The following SHANK2 variants were observed in gnomAD, a reference collection of about 807,000 sequenced individuals.
SHANK2 encodes the protein SH3 and multiple ankyrin repeat domains 2, also known as SH3 and multiple ankyrin repeat domains protein 2.
SHANK2 carries 43 observed loss-of-function variants against 133.7 expected under a neutral mutation model. That is an observed-to-expected ratio of 0.32 (90% confidence interval 0.25 to 0.41). The LOEUF is 0.41. Among genes scored for constraint, SHANK2 ranks in the 10% least tolerant of loss-of-function variants. The probability of loss-of-function intolerance (pLI) is 1.00; values close to 1 mark genes in which losing one functional copy is unlikely to be tolerated. For missense variants in SHANK2, 1,994 were observed against 2,235.8 expected (o/e 0.89, Z 2.18); for synonymous variants, 1,017 against 952.8 (o/e 1.07, Z -1.24).
chr11:70,506,432 G>A (rs1050346794), intron 17 of SHANK2, among the ~76,000 whole-genome samples: 5 of 152,228 alleles, frequency 3.3e-5, no homozygotes, highest in Admixed American at 1.3e-4. Flanking sequence ...CTGCTCAGGA[G>A]AGCTCAGAGG....
At chr11:70,947,830 T>G (rs891861234) in intron 10 of SHANK2, among the ~76,000 whole-genome samples, 1 of 152,208 alleles carries the variant, frequency 6.6e-6, no homozygotes, top group Non-Finnish European at 1.5e-5. Flanking sequence ...GGATAGCATC[T>G]GGGTGGGTGA....
chr11:70,485,995 G>C lies in SHANK2; in HGVS notation c.4298C>G (p.Ala1433Gly). ...IPDDRAASVP[A>G]LSDLVKQKKS... The stretch of plus-strand genomic sequence containing the variant: ...CTTCTGCTTCACTAAGTCTGAGAGA[G>C]CCGGGACAGAAGCTGCCCGGTCATC... The change falls in exon 25 of 26, where the codon GCT becomes GGT. Residue 1433 changes from alanine (A) to glycine (G), a missense_variant. Transcript: ENST00000601538. This position sits in a 1 kb window ranked among gnomAD's most constrained non-coding sequence, Gnocchi z 5.8. 1.4e-5 allele frequency: 22 copies of C among 1,614,142 alleles called. No homozygotes were observed. Among genetic ancestry groups the C allele is most frequent in the Non-Finnish European group, 1.9e-5 (22 of 1,180,040 alleles).
chr11:70,733,269 T>C (rs1247290851), intron 14 of SHANK2, among the ~76,000 whole-genome samples: 1 of 152,044 alleles, frequency 6.6e-6, no homozygotes, highest in Non-Finnish European at 1.5e-5. Context: ...AGGAAGAACA[T>C]AAGCAAAGGC....
At chr11:71,171,886 G>A (rs546128747) in intron 2 of SHANK2, among the ~76,000 whole-genome samples, 12 of 152,306 alleles carry the variant, frequency 7.9e-5, no homozygotes, top group South Asian at 2.1e-4. Flanking sequence ...AGACAGTTGC[G>A]ATGGGGGTCA....
chr11:70,666,085 G>C (rs1157032583), intron 15 of SHANK2, among the ~76,000 whole-genome samples: 2 of 152,162 alleles, frequency 1.3e-5, no homozygotes, highest in Non-Finnish European at 2.9e-5. Context: ...TGTTGGGTGG[G>C]AGGTGGGCGA....
Position 71,082,951 on chromosome 11 carries a change from C to T in SHANK2, c.913-7676G>A, listed in dbSNP as rs896168403. ...ATTGTTTCTTAACGCCCGCCCCCCC[C>T]CCAACCCTTCTGAAACAGGTTCTCA... On this transcript the variant is annotated intron_variant, in intron 8 of 25. Coordinates refer to ENST00000601538, the MANE Select transcript of SHANK2 (RefSeq NM_012309.5). 3.2e-3 allele frequency among the ~76,000 whole-genome samples: 481 copies of T among 148,516 alleles called. 2 individuals are homozygous for T. The highest frequency in any genetic ancestry group is 0.011 in the African/African-American group (450 of 39,952).
At chr11:71,080,351 A>T (rs998578871) in intron 8 of SHANK2, among the ~76,000 whole-genome samples, 1 of 152,120 alleles carries the variant, frequency 6.6e-6, no homozygotes, top group Non-Finnish European at 1.5e-5. Flanking sequence ...CTGTGCAACC[A>T]CAAGACTTGG....
chr11:70,704,170 C>A lies in SHANK2; in HGVS notation c.1778-5407G>T, dbSNP rs868961508. On this transcript the variant is annotated intron_variant, in intron 14 of 25. Coordinates refer to ENST00000601538, the MANE Select transcript of SHANK2 (RefSeq NM_012309.5). ...AGACAGAGAGACCCAGAGAGACGGG[C>A]GACTGCCCTAGAGACACAGCTGGAA... Among the ~76,000 whole-genome samples the A allele has an allele frequency of 2.0e-5, 3 of 152,336 alleles. No homozygotes were observed. In the Middle Eastern group the frequency reaches 0.01, roughly 518 times the overall value.
chr11:71,243,465 C>A (rs1020430365), intron 1 of SHANK2, among the ~76,000 whole-genome samples: 1 of 152,070 alleles, frequency 6.6e-6, no homozygotes, highest in Non-Finnish European at 1.5e-5. Context: ...GAGGCTGAGG[C>A]GGGCGGATCA....
intron 14 of SHANK2, among the ~76,000 whole-genome samples, chr11:70,720,982 T>C (rs1336594811): frequency 6.6e-6 from 1 of 152,250 alleles, no homozygotes; most frequent in Non-Finnish European, 1.5e-5. Flanking sequence ...TCTTTCCCTC[T>C]GGAACCCAAA....
chr11:70,487,272 G>A lies in SHANK2; in HGVS notation c.3021C>T (p.Ala1007=), dbSNP rs782574923. Residue 1007 remains alanine, a synonymous_variant, in exon 25 of 26, where the codon GCC becomes GCT. Transcript: ENST00000601538. This position sits in a 1 kb window ranked among gnomAD's most constrained non-coding sequence, Gnocchi z 5.8. ...GCTTCACCAGCATCCCCTTCCGCCT[G>A]GCGGGCTTGGCGGGGACGTAGACGG... The part of the protein sequence containing the change: ...SKAVYVPAKP[A]RRKGMLVKQS... 1.2e-6 allele frequency: 2 copies of A among 1,614,232 alleles called. No homozygotes were observed. Among genetic ancestry groups the A allele is most frequent in the Non-Finnish European group, 8.5e-7 (1 of 1,180,044 alleles).
chr11:70,504,670 C>T (rs2059111913), intron 17 of SHANK2, among the ~76,000 whole-genome samples: 1 of 152,158 alleles, frequency 6.6e-6, no homozygotes, highest in Non-Finnish European at 1.5e-5. Context: ...CCACCTACAG[C>T]GGCAGCGGTC....
chr11:71,135,744 C>T (rs1555104664), intron 3 of SHANK2, among the ~76,000 whole-genome samples: 1 of 152,136 alleles, frequency 6.6e-6, no homozygotes, highest in African/African-American at 2.4e-5. Context: ...GCATGAGCCA[C>T]CGTGCCCAGC....
chr11:70,671,356 C>T (rs1374572246), intron 15 of SHANK2, among the ~76,000 whole-genome samples: 1 of 152,130 alleles, frequency 6.6e-6, no homozygotes, highest in African/African-American at 2.4e-5. Flanking sequence ...CCCAAACCAG[C>T]GCCACGCCCC....
chr11:70,642,526 C>T (rs1555006714), intron 17 of SHANK2, among the ~76,000 whole-genome samples: 1 of 152,214 alleles, frequency 6.6e-6, no homozygotes, highest in Non-Finnish European at 1.5e-5. Flanking sequence ...GGCGGCTCAG[C>T]CTGTCTAATC....
At chr11:70,568,369 G>T (rs551878720) in intron 17 of SHANK2, among the ~76,000 whole-genome samples, 2 of 152,266 alleles carry the variant, frequency 1.3e-5, no homozygotes, top group East Asian at 3.9e-4. Flanking sequence ...AAGCCTCCTT[G>T]CCTCTCTCAC....
chr11:70,592,322 C>A (rs2060335540), intron 17 of SHANK2, among the ~76,000 whole-genome samples: 1 of 152,168 alleles, frequency 6.6e-6, no homozygotes, highest in Non-Finnish European at 1.5e-5. Context: ...GAGGCTGGCA[C>A]TGTCTTTGGG....
At chr11:71,116,570 G>A (rs1338041621) in intron 4 of SHANK2, among the ~76,000 whole-genome samples, 3 of 152,258 alleles carry the variant, frequency 2.0e-5, no homozygotes, top group East Asian at 1.9e-4. Flanking sequence ...CGGGCAGGAA[G>A]CAGAAGTGAA....
chr11:70,558,285 G>C (rs2059859412), intron 17 of SHANK2, among the ~76,000 whole-genome samples: 1 of 152,240 alleles, frequency 6.6e-6, no homozygotes, highest in African/African-American at 2.4e-5. Context: ...TCATGTGGGG[G>C]ACACCTGTAC....
Sources: gnomAD v4.1 joint callset for allele counts (sites outside exome capture counted in the v4.1 genomes callset) on GRCh38, gnomAD v4.1.1 for gene constraint, Gnocchi (gnomAD v3.1) non-coding constraint, MANE v1.5 for transcripts, NCBI Gene and HGNC (gene_info 2026-07-23, HGNC 2026-07-21) for gene names.